Variants in RTL4 observed in about 807,000 individuals in gnomAD.
RTL4 encodes the protein retrotransposon Gag like 4, also known as retrotransposon Gag-like protein 4.
In RTL4, 4 loss-of-function variants were observed where a neutral mutation model predicts 5.3. The observed-to-expected ratio is 0.75, with a 90% confidence interval of 0.37 to 1.72. The LOEUF (loss-of-function observed/expected upper bound fraction) is 1.72. RTL4 is among the 40% of genes most tolerant of loss of function. The pLI is 0.04. For missense variants in RTL4, 260 were observed against 227.1 expected, an observed-to-expected ratio of 1.14 and a Z score of -0.93; for synonymous variants, 98 against 87.3, an observed-to-expected ratio of 1.12 and a Z score of -0.68.
chrX:112,392,629 C>T, the RTL4 span, among the ~76,000 whole-genome samples: 1 of 111,159 alleles, frequency 9.0e-6, no homozygotes, highest in Non-Finnish European at 1.9e-5. Context: ...TCCTTTAGCC[C>T]CTGGTCACCT....
the RTL4 span, among the ~76,000 whole-genome samples, chrX:112,327,654 A>T: frequency 6.4e-5 from 7 of 109,731 alleles, no homozygotes; most frequent in South Asian, 2.4e-3. Context: ...AAATACAGAG[A>T]ACGCCACAAA....
the RTL4 span, among the ~76,000 whole-genome samples, chrX:112,302,150 A>G: frequency 9.2e-6 from 1 of 108,635 alleles, no homozygotes; most frequent in Non-Finnish European, 1.9e-5. Flanking sequence ...AGTCCCAGCT[A>G]CTTGGGAGGA....
At chrX:112,136,952 A>G in the RTL4 span, among the ~76,000 whole-genome samples, 1 of 111,819 alleles carries the variant, frequency 8.9e-6, no homozygotes, top group Non-Finnish European at 1.9e-5. Context: ...TGGCCTTAGC[A>G]ATGATTTCTT....
At chrX:112,456,369 T>C (rs971446294) in exon 1 of RTL4, 2 of 307,287 alleles carry the variant, frequency 6.5e-6, no homozygotes, top group Non-Finnish European at 5.9e-6. Flanking sequence ...CTTGGAACTG[T>C]TGGTCCCTTT....
At chrX:112,341,229 G>A in the RTL4 span, among the ~76,000 whole-genome samples, 1 of 110,354 alleles carries the variant, frequency 9.1e-6, no homozygotes, top group Non-Finnish European at 1.9e-5. Flanking sequence ...GCGGTAGGAA[G>A]GAGGGAAGGT....
chrX:112,243,741 T>G, the RTL4 span, among the ~76,000 whole-genome samples: 1 of 111,585 alleles, frequency 9.0e-6, no homozygotes. Flanking sequence ...TCTGCTAGCT[T>G]TTGAATGTGT....
the RTL4 span, among the ~76,000 whole-genome samples, chrX:112,350,079 G>T: frequency 9.0e-6 from 1 of 111,101 alleles, no homozygotes; most frequent in Non-Finnish European, 1.9e-5. Flanking sequence ...ATGAAGAGTT[G>T]TTGAATTTTG....
chrX:112,246,964 T>C, the RTL4 span, among the ~76,000 whole-genome samples: 3 of 112,005 alleles, frequency 2.7e-5, no homozygotes, highest in South Asian at 1.1e-3. Context: ...TTGGTATAAG[T>C]AGGCTGTGAT....
At chrX:112,246,354 T>G in the RTL4 span, among the ~76,000 whole-genome samples, 35 of 111,562 alleles carry the variant, frequency 3.1e-4, no homozygotes, top group Admixed American at 2.8e-3. Flanking sequence ...CAGGCCTCAT[T>G]GAGCCGTGTT....
the RTL4 span, among the ~76,000 whole-genome samples, chrX:112,358,738 A>G: frequency 9.0e-6 from 1 of 111,403 alleles, no homozygotes; most frequent in Non-Finnish European, 1.9e-5. Flanking sequence ...CACTCTCACT[A>G]TATTATTTAG....
chrX:112,308,113 TA>T, the RTL4 span, among the ~76,000 whole-genome samples: 1 of 111,457 alleles, frequency 9.0e-6, no homozygotes, highest in Non-Finnish European at 1.9e-5. Flanking sequence ...AATTTTGACT[TA>T]AAATCATGCC....
At chrX:112,282,024 C>A in the RTL4 span, among the ~76,000 whole-genome samples, 1 of 111,560 alleles carries the variant, frequency 9.0e-6, no homozygotes, top group Non-Finnish European at 1.9e-5. Context: ...GCTTTTATTT[C>A]TTGTGCTTTT....
the RTL4 span, among the ~76,000 whole-genome samples, chrX:112,180,862 A>G: frequency 8.9e-6 from 1 of 112,376 alleles, no homozygotes; most frequent in East Asian, 2.8e-4. Context: ...TTAAAACTCT[A>G]TCAGAAATTT....
chrX:112,353,082 A>G, the RTL4 span, among the ~76,000 whole-genome samples: 1 of 112,249 alleles, frequency 8.9e-6, no homozygotes, highest in Non-Finnish European at 1.9e-5. Flanking sequence ...ACATGAAAAA[A>G]TGCTCATCAT....
chrX:112,163,934 G>C, the RTL4 span, among the ~76,000 whole-genome samples: 1 of 111,731 alleles, frequency 9.0e-6, no homozygotes, highest in Non-Finnish European at 1.9e-5. Context: ...CTCTGGGAAT[G>C]GCGCAAGTAG....
At chrX:112,446,068 AC>A in the RTL4 span, among the ~76,000 whole-genome samples, 1 of 111,309 alleles carries the variant, frequency 9.0e-6, no homozygotes, top group Non-Finnish European at 1.9e-5. Context: ...AGAGAAGCCC[AC>A]CCATTCCTAC....
At chrX:112,430,650 C>G in the RTL4 span, among the ~76,000 whole-genome samples, 1 of 111,718 alleles carries the variant, frequency 9.0e-6, no homozygotes. Context: ...TGCAGTGGCA[C>G]AATCTCGGCT....
the RTL4 span, among the ~76,000 whole-genome samples, chrX:112,219,352 A>C: frequency 1.8e-5 from 2 of 112,209 alleles, no homozygotes; most frequent in East Asian, 5.6e-4. Context: ...TGCCCAGATC[A>C]GTGTATTTAT....
the RTL4 span, among the ~76,000 whole-genome samples, chrX:112,176,098 G>A: frequency 1.8e-5 from 2 of 110,821 alleles, no homozygotes; most frequent in Admixed American, 9.6e-5. Context: ...GACAAACAGA[G>A]AGCCAAATCA....
Sources: gnomAD v4.1 joint callset for allele counts (sites outside exome capture counted in the v4.1 genomes callset) on GRCh38, gnomAD v4.1.1 for gene constraint, MANE v1.5 for transcripts, NCBI Gene and HGNC (gene_info 2026-07-23, HGNC 2026-07-21) for gene names.